The following MZT1 variants were observed in gnomAD, a reference collection of about 807,000 sequenced individuals.
MZT1 encodes mitotic-spindle organizing protein 1.
Under a neutral mutation model 8.5 loss-of-function variants are expected in MZT1, and 8 were observed. The ratio of observed to expected loss-of-function variants is 0.94; its 90% CI spans 0.55 to 1.70. MZT1 has a LOEUF of 1.70. MZT1 is among the 40% of genes most tolerant of loss of function. MZT1 has a pLI of 0.00. For missense variants in MZT1, 93 were observed against 108.6 expected, an observed-to-expected ratio of 0.86 and a Z score of 0.64; for synonymous variants, 38 against 42.0, an observed-to-expected ratio of 0.90 and a Z score of 0.37.
Position 72,710,141 on chromosome 13 carries a change from T to C in MZT1, c.*181A>G, listed in dbSNP as rs1027912071. On this transcript the variant is annotated 3_prime_UTR_variant, in exon 3 of 3. Coordinates refer to ENST00000377818, the MANE Select transcript of MZT1 (RefSeq NM_001071775.3). The stretch of plus-strand genomic sequence containing the variant: ...TAAGATGTGATGTAAACACATCTGA[T>C]AGTTCTCTCTGTAAGCCACTTTCCA... 4 of 608,620 alleles carry C rather than the reference T, an allele frequency of 6.6e-6. No individual in the cohort carries two copies. Among genetic ancestry groups the C allele is most frequent in the South Asian group, 2.1e-5 (1 of 46,708 alleles). 37.7% of individuals were successfully genotyped at this position (608,620 alleles called of 1,614,324 possible).
At chr13:72,726,859 G>A (rs1292109612) in intron 1 of MZT1, among the ~76,000 whole-genome samples, 2 of 151,952 alleles carry the variant, frequency 1.3e-5, no homozygotes, top group African/African-American at 4.8e-5. Flanking sequence ...GAGGGTAACC[G>A]CAAGACACAA....
At chr13:72,719,612 T>C (rs930716482) in intron 1 of MZT1, among the ~76,000 whole-genome samples, 6 of 152,188 alleles carry the variant, frequency 3.9e-5, no homozygotes, top group African/African-American at 1.4e-4. Flanking sequence ...AATATACATA[T>C]TTAATTTGCT....
At chr13:72,717,102 T>C (rs1257531906) in intron 2 of MZT1, among the ~76,000 whole-genome samples, 1 of 152,198 alleles carries the variant, frequency 6.6e-6, no homozygotes, top group African/African-American at 2.4e-5. Flanking sequence ...CTCCAGAACA[T>C]GTTATTCAGA....
At chr13:72,726,196 G>T (rs534823422) in intron 1 of MZT1, among the ~76,000 whole-genome samples, 1 of 152,162 alleles carries the variant, frequency 6.6e-6, no homozygotes, top group African/African-American at 2.4e-5. Flanking sequence ...TTGGGAGGCC[G>T]AGGCATGTGG....
chr13:72,719,600 G>A (rs2032573782), intron 1 of MZT1, among the ~76,000 whole-genome samples: 1 of 152,016 alleles, frequency 6.6e-6, no homozygotes, highest in South Asian at 2.1e-4. Flanking sequence ...TGCTCAGTCA[G>A]TAATATACAT....
intron 2 of MZT1, among the ~76,000 whole-genome samples, chr13:72,711,476 C>T (rs2138005452): frequency 6.6e-6 from 1 of 152,182 alleles, no homozygotes; most frequent in African/African-American, 2.4e-5. Flanking sequence ...AAAATAGTTA[C>T]TGTTTTCTAA....
intron 2 of MZT1, among the ~76,000 whole-genome samples, chr13:72,711,522 C>T: frequency 6.6e-6 from 1 of 152,046 alleles, no homozygotes; most frequent in East Asian, 1.9e-4. Context: ...AAAGGAATGT[C>T]TCAGACCAAC....
Position 72,727,372 on chromosome 13 carries a change from G to A in MZT1, c.79+152C>T, listed in dbSNP as rs377210022. On this transcript the variant is annotated intron_variant, in intron 1 of 2. Transcript: ENST00000377818. ...CAACTCTCAAGGGATAGGGCCATCA[G>A]CCCTGCGGCCCTGGCAGGTCCCTAC... 305 of 770,110 alleles carry A rather than the reference G, an allele frequency of 4.0e-4. 1 individual carries two copies. The East Asian group carries it at 7.3e-3, about 19-fold the overall frequency. The allele number at this position is 770,110 out of a possible 1,614,324, so 47.7% of individuals were successfully genotyped here.
chr13:72,716,509 T>C (rs1270735148), intron 2 of MZT1, among the ~76,000 whole-genome samples: 1 of 152,196 alleles, frequency 6.6e-6, no homozygotes, highest in Non-Finnish European at 1.5e-5. Context: ...CTGAAAGATA[T>C]GTAAATTGCA....
chr13:72,724,714 A>G (rs1352305249), intron 1 of MZT1, among the ~76,000 whole-genome samples: 1 of 22,470 alleles, frequency 4.5e-5, no homozygotes, highest in Non-Finnish European at 3.1e-4. Context: ...ATATATATAT[A>G]TATACATATA....
rs1376434546 is a variant in MZT1 at position 72,710,365 on chromosome 13, T to G, written c.226-20A>C. 6.2e-7 allele frequency: 1 copy of G among 1,612,186 alleles called. No individual in the cohort carries two copies. The highest frequency in any genetic ancestry group is 8.5e-7 in the Non-Finnish European group (1 of 1,178,670). The stretch of plus-strand genomic sequence containing the variant: ...AGCAGCCTAGAACAAGAAAGTAAGA[T>G]TCATTACAATAAAACCATGGAAAAA... On this transcript the variant is annotated intron_variant, in intron 2 of 2. Transcript: ENST00000377818.
At chr13:72,720,988 T>C (rs1307694112) in intron 1 of MZT1, among the ~76,000 whole-genome samples, 3 of 152,156 alleles carry the variant, frequency 2.0e-5, no homozygotes, top group African/African-American at 7.2e-5. Context: ...ATATGGAGTA[T>C]AGTTCTGATG....
intron 1 of MZT1, among the ~76,000 whole-genome samples, chr13:72,724,701 A>AATATATATATATATACACATATAT (rs2032623184): frequency 9.2e-5 from 3 of 32,642 alleles, no homozygotes; most frequent in African/African-American, 1.6e-4. Context: ...CTTACTACTA[A>AATATATATATATATACACATATAT]ATATATATAT....
intron 1 of MZT1, among the ~76,000 whole-genome samples, chr13:72,719,721 G>A (rs2032575114): frequency 6.6e-6 from 1 of 152,166 alleles, no homozygotes. Context: ...AATCATGTCT[G>A]TTGAATCTAA....
At position 72,709,491 on chromosome 13, in the gene MZT1, ATGTT is replaced by A. The variant is rs2032465901; in HGVS notation, c.*827_*830del. ...TAATAAAAGTAAATAGGAATTTTGC[ATGTT>A]TGTTGTTTCATTTTACAAATTTTTT... On this transcript the variant is annotated 3_prime_UTR_variant, in exon 3 of 3. Coordinates refer to ENST00000377818, the MANE Select transcript of MZT1 (RefSeq NM_001071775.3). 6.6e-6 allele frequency: 1 copy of A among 152,068 alleles called. No homozygotes were observed. The highest frequency in any genetic ancestry group is 2.4e-5 in the African/African-American group (1 of 41,462). The allele number at this position is 152,068 out of a possible 1,614,324, so 9.4% of individuals were successfully genotyped here. A position where few individuals can be genotyped will look rare whatever the true frequency, so the allele number is the denominator to read the frequency against.
At chr13:72,724,739 T>TATATATATATAC (rs1555270942) in intron 1 of MZT1, among the ~76,000 whole-genome samples, 1 of 41,366 alleles carries the variant, frequency 2.4e-5, no homozygotes, top group African/African-American at 5.3e-5. Flanking sequence ...TATATATATA[T>TATATATATATAC]ACACATATAT....
intron 2 of MZT1, among the ~76,000 whole-genome samples, chr13:72,714,390 C>A (rs2138008105): frequency 6.6e-6 from 1 of 152,300 alleles, no homozygotes; most frequent in Middle Eastern, 3.4e-3. Flanking sequence ...AATGTGCAAC[C>A]TGTCCATGTG....
chr13:72,713,640 ATATTTTTGATCCACAGCTGG>A (rs948111552), intron 2 of MZT1, among the ~76,000 whole-genome samples: 1 of 152,144 alleles, frequency 6.6e-6, no homozygotes, highest in African/African-American at 2.4e-5. Flanking sequence ...TGTTCCCCAA[ATATTTTTGATCCACAGCTGG>A]TTGAATCCAT....
chr13:72,712,958 A>C (rs1018970120), intron 2 of MZT1, among the ~76,000 whole-genome samples: 5 of 152,216 alleles, frequency 3.3e-5, no homozygotes, highest in African/African-American at 1.2e-4. Flanking sequence ...AAATACTATA[A>C]TACTCATTTT....
Sources: allele counts gnomAD v4.1 joint callset (sites outside exome capture counted in the v4.1 genomes callset), GRCh38; gene constraint gnomAD v4.1.1; transcripts MANE v1.5; gene names NCBI Gene and HGNC (gene_info 2026-07-23, HGNC 2026-07-21).